The following NLGN1 variants were observed in gnomAD, a reference collection of about 807,000 sequenced individuals.
NLGN1 encodes the protein neuroligin 1.
A neutral mutation model predicts 65.5 loss-of-function variants in NLGN1; 12 were observed. That is an observed-to-expected ratio of 0.18 (90% confidence interval 0.12 to 0.30). The LOEUF is 0.30. Ranked by LOEUF, NLGN1 falls within the 10% of genes least tolerant of loss-of-function variation. The probability of loss-of-function intolerance (pLI) is 1.00; values close to 1 mark genes in which losing one functional copy is unlikely to be tolerated. For missense variants in NLGN1, 750 were observed against 1,007.1 expected (o/e 0.74, Z 3.46); for synonymous variants, 350 against 359.5 (o/e 0.97, Z 0.30).
At chr3:173,706,732 CATAT>C (rs1258993524) in intron 3 of NLGN1, among the ~76,000 whole-genome samples, 1 of 152,154 alleles carries the variant, frequency 6.6e-6, no homozygotes, top group Non-Finnish European at 1.5e-5. Flanking sequence ...GAATATAGAT[CATAT>C]AGATATAGTT....
At chr3:174,134,123 C>G (rs948447282) in intron 4 of NLGN1, among the ~76,000 whole-genome samples, 1 of 151,998 alleles carries the variant, frequency 6.6e-6, no homozygotes, top group Non-Finnish European at 1.5e-5. Context: ...ACCCACAAAA[C>G]GAAAAGAAAC....
rs547135022 is a variant in NLGN1, at chr3:173,631,398, A to G, written c.493+26307A>G. ...GACTTGACCTGCCTTTTACTCCCGA[A>G]CAGCAAAAAACAACCAAAAGCTTTG... On this transcript the variant is annotated intron_variant, in intron 3 of 6. Transcript: ENST00000457714. Among the ~76,000 whole-genome samples the G allele has an allele frequency of 5.3e-5, 8 of 152,174 alleles. No individual in the cohort carries two copies. The South Asian group carries it at 8.3e-4, about 16-fold the overall frequency.
At chr3:173,744,569 C>T (rs551333962) in intron 3 of NLGN1, among the ~76,000 whole-genome samples, 7 of 152,208 alleles carry the variant, frequency 4.6e-5, no homozygotes, top group Non-Finnish European at 2.9e-5. Context: ...AAGGTAACAA[C>T]GTAGCTGAGA....
intron 2 of NLGN1, among the ~76,000 whole-genome samples, chr3:173,445,027 G>T (rs961438314): frequency 1.8e-4 from 28 of 151,490 alleles, no homozygotes; most frequent in African/African-American, 5.8e-4. Flanking sequence ...CCAGCACTTT[G>T]GGAGGCCGAG....
chr3:173,784,722 G>T (rs867460321), intron 3 of NLGN1, among the ~76,000 whole-genome samples: 17 of 151,112 alleles, frequency 1.1e-4, no homozygotes, highest in African/African-American at 3.9e-4. Flanking sequence ...CACACAGAGG[G>T]ATCACATGGT....
intron 4 of NLGN1, among the ~76,000 whole-genome samples, chr3:174,124,584 CGT>C (rs1561100307): frequency 5.0e-5 from 4 of 79,356 alleles, no homozygotes; most frequent in African/African-American, 3.7e-4. Flanking sequence ...CACATATATA[CGT>C]ATATATACGT....
At chr3:174,244,308 TA>T (rs1423572218) in intron 4 of NLGN1, among the ~76,000 whole-genome samples, 5 of 152,182 alleles carry the variant, frequency 3.3e-5, no homozygotes, top group Non-Finnish European at 5.9e-5. Flanking sequence ...GTGGGAAGTT[TA>T]AAAAGGTCAA....
intron 4 of NLGN1, among the ~76,000 whole-genome samples, chr3:173,966,233 C>T (rs911318123): frequency 6.6e-6 from 1 of 152,214 alleles, no homozygotes; most frequent in Non-Finnish European, 1.5e-5. Context: ...AAAAAGTCCA[C>T]AGCTCTGCCT....
chr3:174,186,101 A>G (rs1288972526), intron 4 of NLGN1, among the ~76,000 whole-genome samples: 1 of 152,114 alleles, frequency 6.6e-6, no homozygotes, highest in Admixed American at 6.6e-5. Context: ...GATGTTCAGA[A>G]AGAAAAGATA....
chr3:174,139,318 C>T lies in NLGN1; in HGVS notation c.647-135997C>T, dbSNP rs550016349. On this transcript the variant is annotated intron_variant, in intron 4 of 6. Transcript: ENST00000457714. ...CAATCACTGACCTTTTTACTGTCTC[C>T]GTAGTTTGGGGATTTTTCCAGGAAG... is the stretch of plus-strand genomic sequence containing the variant. Among the ~76,000 whole-genome samples, 57 of 152,100 alleles carry T rather than the reference C, an allele frequency of 3.7e-4. 1 individual carries two copies. The South Asian group carries it at 0.011, about 29-fold the overall frequency.
rs6794813 is a variant in NLGN1, at chr3:174,220,597, A to G, written c.647-54718A>G. Among the ~76,000 whole-genome samples the G allele has an allele frequency of 7.7e-3, 1,166 of 152,290 alleles. 11 individuals are homozygous for G. Among genetic ancestry groups the G allele is most frequent in the African/African-American group, 0.024 (979 of 41,576 alleles). On this transcript the variant is annotated intron_variant, in intron 4 of 6. Transcript: ENST00000457714. ...GAAAATTACCTTACATATTTGAGAA[A>G]TACACTTGATGTGTGCATATGTAAA...
chr3:173,451,652 C>A (rs990041284), intron 2 of NLGN1, among the ~76,000 whole-genome samples: 1 of 152,168 alleles, frequency 6.6e-6, no homozygotes. Context: ...TGCCCTGCCC[C>A]CAGAGGTGGA....
At chr3:173,993,326 T>C (rs1231807648) in intron 4 of NLGN1, among the ~76,000 whole-genome samples, 2 of 152,238 alleles carry the variant, frequency 1.3e-5, no homozygotes, top group African/African-American at 4.8e-5. Flanking sequence ...TGTTGCCATT[T>C]GCAGTTTGTA....
intron 4 of NLGN1, among the ~76,000 whole-genome samples, chr3:174,043,512 A>C (rs553479489): frequency 5.8e-4 from 88 of 152,300 alleles, no homozygotes; most frequent in Admixed American, 5.7e-3. Flanking sequence ...AAAACAAAGG[A>C]GCTACAGGCC....
At chr3:174,044,481 C>A (rs1178802050) in intron 4 of NLGN1, among the ~76,000 whole-genome samples, 4 of 152,156 alleles carry the variant, frequency 2.6e-5, no homozygotes, top group African/African-American at 9.7e-5. Flanking sequence ...CAAAGTTCAG[C>A]AGATCTCTAG....
chr3:173,429,213 T>G (rs1450866571), intron 1 of NLGN1, among the ~76,000 whole-genome samples: 1 of 152,160 alleles, frequency 6.6e-6, no homozygotes, highest in Non-Finnish European at 1.5e-5. Flanking sequence ...CCTCTGACTG[T>G]GTATTTTCAA....
intron 4 of NLGN1, among the ~76,000 whole-genome samples, chr3:173,952,162 T>G (rs1394624094): frequency 6.6e-6 from 1 of 152,206 alleles, no homozygotes; most frequent in Admixed American, 6.5e-5. Context: ...CCTGCAGGTC[T>G]GTAGATGAGC....
intron 4 of NLGN1, among the ~76,000 whole-genome samples, chr3:174,039,536 T>C (rs983335777): frequency 3.9e-5 from 6 of 152,184 alleles, no homozygotes; most frequent in Non-Finnish European, 8.8e-5. Flanking sequence ...TTCTTGTATT[T>C]CCAAAATGTT....
intron 4 of NLGN1, among the ~76,000 whole-genome samples, chr3:174,017,758 A>G (rs920543013): frequency 1.3e-5 from 2 of 152,164 alleles, no homozygotes; most frequent in Admixed American, 6.5e-5. Context: ...GGTGTGGGTC[A>G]CAGAGATCAC....
Sources: allele counts gnomAD v4.1 joint callset (sites outside exome capture counted in the v4.1 genomes callset), GRCh38; gene constraint gnomAD v4.1.1; transcripts MANE v1.5; gene names NCBI Gene and HGNC (gene_info 2026-07-23, HGNC 2026-07-21).